The following CADPS variants were observed in gnomAD, a reference collection of about 807,000 sequenced individuals.
CADPS encodes the protein calcium-dependent secretion activator 1.
A neutral mutation model predicts 167.3 loss-of-function variants in CADPS; 57 were observed. That is an observed-to-expected ratio of 0.34 (90% CI 0.28 to 0.42). The LOEUF (loss-of-function observed/expected upper bound fraction) is 0.42, where lower values mean the gene tolerates loss of function less well. Ranked by LOEUF, CADPS falls within the 20% of genes least tolerant of loss-of-function variation. CADPS has a pLI of 1.00. For missense variants in CADPS, 1,414 were observed against 1,738.1 expected (o/e 0.81, Z 3.32); for synonymous variants, 676 against 635.3 (o/e 1.06, Z -0.96).
chr3:62,652,558 A>G (rs2070474290), intron 4 of CADPS, among the ~76,000 whole-genome samples: 2 of 152,122 alleles, frequency 1.3e-5, no homozygotes, highest in Non-Finnish European at 2.9e-5. Flanking sequence ...TGGCTGGTAG[A>G]ACTGAAACAG....
At chr3:62,659,756 T>A (rs1022226247) in intron 4 of CADPS, among the ~76,000 whole-genome samples, 1 of 152,180 alleles carries the variant, frequency 6.6e-6, no homozygotes, top group Non-Finnish European at 1.5e-5. Context: ...AACTGACTGC[T>A]TCCACCTGGG....
intron 1 of CADPS, among the ~76,000 whole-genome samples, chr3:62,859,781 T>C (rs1003818634): frequency 1.3e-5 from 2 of 152,208 alleles, no homozygotes; most frequent in African/African-American, 4.8e-5. Flanking sequence ...AATCATGTCC[T>C]TTGCAAATGA....
At chr3:62,682,405 C>G (rs1337428092) in intron 3 of CADPS, among the ~76,000 whole-genome samples, 2 of 152,058 alleles carry the variant, frequency 1.3e-5, no homozygotes, top group African/African-American at 4.8e-5. Flanking sequence ...ACTAGAGATG[C>G]TAACTACTCA....
At position 62,412,167 on chromosome 3, in the gene CADPS, C is replaced by T. The variant is rs560543556; in HGVS notation, c.3778-8982G>A. ...TAGGATTTTTTTTTTTTTTTTTTAA[C>T]GTCCGTAATTCTTTGGATACCTGAA... On this transcript the variant is annotated intron_variant, in intron 28 of 29. Coordinates refer to ENST00000383710, the MANE Select transcript of CADPS (RefSeq NM_003716.4). This position sits in a 1 kb window ranked among gnomAD's most constrained non-coding sequence, Gnocchi z 4.1. Among the ~76,000 whole-genome samples, 29 of 115,660 alleles carry T rather than the reference C, an allele frequency of 2.5e-4. No individual in the cohort carries two copies. The highest frequency in any genetic ancestry group is 5.3e-3 in the Middle Eastern group (1 of 188). 75.9% of individuals were successfully genotyped at this position (115,660 alleles called of 152,430 possible).
chr3:62,475,590 A>C (rs1576539206), intron 23 of CADPS, among the ~76,000 whole-genome samples: 1 of 142,438 alleles, frequency 7.0e-6, no homozygotes, highest in East Asian at 2.0e-4. Flanking sequence ...TTAAGAAAAA[A>C]AAAAAAAAAA....
At chr3:62,621,597 T>C (rs186398233) in intron 6 of CADPS, among the ~76,000 whole-genome samples, 121 of 152,286 alleles carry the variant, frequency 7.9e-4, no homozygotes, top group Non-Finnish European at 1.4e-3. Context: ...GGTGTTTTTG[T>C]TTTTATTAAG....
Position 62,518,257 on chromosome 3 carries a change from G to C in CADPS, c.2292-7C>G. The C allele has an allele frequency of 6.2e-7, 1 of 1,603,578 alleles. No individual in the cohort carries two copies. The highest frequency in any genetic ancestry group is 1.7e-5 in the Admixed American group (1 of 59,516). ...AGTTCCAATTCCATCAGGCCTGAAA[G>C]AAGACATGTCATGAAATGACGGGAA... On this transcript the variant is annotated splice_polypyrimidine_tract_variant and splice_region_variant and intron_variant, in intron 13 of 29. Coordinates refer to ENST00000383710, the MANE Select transcript of CADPS (RefSeq NM_003716.4).
At chr3:62,656,453 T>C (rs2071611973) in intron 4 of CADPS, among the ~76,000 whole-genome samples, 2 of 152,198 alleles carry the variant, frequency 1.3e-5, no homozygotes, top group African/African-American at 4.8e-5. Flanking sequence ...AGAGTTAAAC[T>C]TGAAACCTAG....
At position 62,450,365 on chromosome 3, in the gene CADPS, A is replaced by G. The variant is rs181217768; in HGVS notation, c.3637-4568T>C. Among the ~76,000 whole-genome samples the G allele has an allele frequency of 4.1e-3, 619 of 152,160 alleles. 2 individuals are homozygous for G. Among genetic ancestry groups the G allele is most frequent in the Middle Eastern group, 0.01 (3 of 294 alleles). ...GTTATAATCAACAACACAATCTATTACTCTCCAGGACCAAGCCATAGCCAT... is the reference window on the plus strand; with the variant it reads ...GTTATAATCAACAACACAATCTATTGCTCTCCAGGACCAAGCCATAGCCAT... On this transcript the variant is annotated intron_variant, in intron 26 of 29. Coordinates refer to ENST00000383710, the MANE Select transcript of CADPS (RefSeq NM_003716.4).
At chr3:62,739,687 T>C (rs3112387) in intron 3 of CADPS, among the ~76,000 whole-genome samples, 60,682 of 152,022 alleles carry the variant, frequency 0.4, 12,552 homozygotes, top group African/African-American at 0.48. Flanking sequence ...CTCAGCCAAC[T>C]TATCATCTCC....
intron 1 of CADPS, among the ~76,000 whole-genome samples, chr3:62,798,942 C>T (rs566107860): frequency 2.8e-4 from 43 of 152,256 alleles, no homozygotes; most frequent in African/African-American, 9.6e-4. Context: ...GAACCCACTG[C>T]CATGAGTCTC....
intron 3 of CADPS, among the ~76,000 whole-genome samples, chr3:62,715,373 C>CCTATCTAT (rs71123290): frequency 2.2e-5 from 3 of 134,608 alleles, no homozygotes; most frequent in African/African-American, 8.6e-5. Flanking sequence ...TATCTATCTA[C>CCTATCTAT]CTATCTATCT....
intron 9 of CADPS, among the ~76,000 whole-genome samples, chr3:62,569,463 T>C (rs937851471): frequency 6.6e-6 from 1 of 152,188 alleles, no homozygotes; most frequent in Non-Finnish European, 1.5e-5. Flanking sequence ...TAAATCACTT[T>C]AAGGTTTTGT....
At chr3:62,742,606 A>C (rs2080516847) in intron 3 of CADPS, among the ~76,000 whole-genome samples, 1 of 152,228 alleles carries the variant, frequency 6.6e-6, no homozygotes, top group African/African-American at 2.4e-5. Context: ...CCTTCCTTAC[A>C]CCATACACAA....
intron 28 of CADPS, 63 bp from the exon 29 acceptor site, chr3:62,403,248 G>C (rs928366599): frequency 2.8e-5 from 32 of 1,128,442 alleles, no homozygotes; most frequent in Non-Finnish European, 4.2e-5. Context: ...GGCAGAGAGA[G>C]AGCAGGCAAT....
intron 26 of CADPS, among the ~76,000 whole-genome samples, chr3:62,451,076 A>T (rs2057977397): frequency 6.6e-6 from 1 of 152,164 alleles, no homozygotes; most frequent in Non-Finnish European, 1.5e-5. Context: ...TCTCAAAAAA[A>T]AAATGTATGA....
At chr3:62,694,784 A>G (rs1027413355) in intron 3 of CADPS, among the ~76,000 whole-genome samples, 65 of 152,042 alleles carry the variant, frequency 4.3e-4, no homozygotes, top group African/African-American at 1.5e-3. Context: ...AAATGGCCCA[A>G]CTTAAAGGTA....
chr3:62,463,893 G>T (rs1275408393), intron 26 of CADPS, among the ~76,000 whole-genome samples: 1 of 152,154 alleles, frequency 6.6e-6, no homozygotes, highest in Non-Finnish European at 1.5e-5. Context: ...TACCTGGGAA[G>T]GTCAGAACTG....
At chr3:62,522,802 T>G (rs6796236) in intron 13 of CADPS, among the ~76,000 whole-genome samples, 118,853 of 151,588 alleles carry the variant, frequency 0.78, 47,388 homozygotes, top group Middle Eastern at 0.91. Flanking sequence ...GGCTAACAAC[T>G]CGCTTCTTTT....
Sources: allele counts gnomAD v4.1 joint callset (sites outside exome capture counted in the v4.1 genomes callset), GRCh38; gene constraint gnomAD v4.1.1; non-coding constraint Gnocchi (gnomAD v3.1); transcripts MANE v1.5; gene names NCBI Gene and HGNC (gene_info 2026-07-23, HGNC 2026-07-21).